SLC39A11: variants seen among roughly 807,000 people sequenced by gnomAD.
The protein encoded by SLC39A11 is zinc transporter ZIP11.
A neutral mutation model predicts 36.1 loss-of-function variants in SLC39A11; 33 were observed. The observed-to-expected ratio is 0.91, with a 90% CI of 0.69 to 1.22. The LOEUF is 1.22. Ranked by LOEUF, SLC39A11 falls within the 50% of genes most tolerant of loss-of-function variation. The pLI, the probability that SLC39A11 is intolerant of heterozygous loss-of-function variation, is 0.00. For synonymous variants in SLC39A11, 166 were observed against 170.3 expected (o/e 0.97, Z 0.20); for missense variants, 432 against 430.3 (o/e 1.00, Z -0.03).
chr17:72,753,243 C>A (rs2075222714), intron 6 of SLC39A11, among the ~76,000 whole-genome samples: 1 of 152,140 alleles, frequency 6.6e-6, no homozygotes, highest in Non-Finnish European at 1.5e-5. Flanking sequence ...TTTAAATCTA[C>A]AAGGTTGTGC....
intron 6 of SLC39A11, among the ~76,000 whole-genome samples, chr17:72,816,606 A>G (rs536356204): frequency 2.4e-4 from 36 of 152,290 alleles, no homozygotes; most frequent in African/African-American, 7.7e-4. Context: ...TCTGTCAACC[A>G]CGGCTGGAGG....
At chr17:72,701,758 A>C (rs1474670094) in intron 7 of SLC39A11, among the ~76,000 whole-genome samples, 1 of 150,062 alleles carries the variant, frequency 6.7e-6, no homozygotes, top group Admixed American at 6.6e-5. Flanking sequence ...AAAAAGAGAA[A>C]GAAAGAAAGA....
chr17:72,923,292 C>T (rs1165275262), intron 5 of SLC39A11, among the ~76,000 whole-genome samples: 1 of 152,048 alleles, frequency 6.6e-6, no homozygotes, highest in Non-Finnish European at 1.5e-5. Context: ...ATGTGAAGCT[C>T]ACTACATCCA....
chr17:73,056,911 G>A (rs2059687603), intron 3 of SLC39A11, among the ~76,000 whole-genome samples: 1 of 152,102 alleles, frequency 6.6e-6, no homozygotes, highest in Non-Finnish European at 1.5e-5. Flanking sequence ...TTATTTGTGA[G>A]GCACATTAGA....
chr17:72,922,676 A>G (rs993657636), intron 5 of SLC39A11, among the ~76,000 whole-genome samples: 17 of 152,126 alleles, frequency 1.1e-4, no homozygotes, highest in Non-Finnish European at 1.3e-4. Flanking sequence ...CCAAGAAAAC[A>G]CTAAACCCTG....
In SLC39A11 at chr17:72,990,479, G is replaced by A. The variant is rs112442530; in HGVS notation, c.306+41077C>T. ...GTTGCCCAGGCTGGAGTGTAGTGGC[G>A]TGATCTCGACTCACTGAAACCTTGG... On this transcript the variant is annotated intron_variant, in intron 4 of 9. Coordinates refer to ENST00000255559, the MANE Select transcript of SLC39A11 (RefSeq NM_139177.4). 3.8e-3 allele frequency among the ~76,000 whole-genome samples: 578 copies of A among 152,208 alleles called. 4 individuals carry two copies. Among genetic ancestry groups the A allele is most frequent in the African/African-American group, 0.013 (555 of 41,526 alleles).
At chr17:72,892,940 G>C (rs79231039) in intron 5 of SLC39A11, among the ~76,000 whole-genome samples, 1,961 of 152,236 alleles carry the variant, frequency 0.013, 49 homozygotes, top group African/African-American at 0.043. Context: ...TCCAGGGTAG[G>C]TTCTCCAAGA....
chr17:72,779,564 T>C (rs1206054964), intron 6 of SLC39A11, among the ~76,000 whole-genome samples: 2 of 152,218 alleles, frequency 1.3e-5, no homozygotes, highest in East Asian at 3.8e-4. Flanking sequence ...GCACAAGCGC[T>C]GTTCACCTGA....
chr17:73,083,538 C>A (rs2060620138), intron 3 of SLC39A11, among the ~76,000 whole-genome samples: 1 of 152,156 alleles, frequency 6.6e-6, no homozygotes, highest in South Asian at 2.1e-4. Flanking sequence ...CAATACACAG[C>A]ACCATGACAT....
intron 4 of SLC39A11, among the ~76,000 whole-genome samples, chr17:73,015,258 T>C (rs2090745090): frequency 6.6e-6 from 1 of 152,210 alleles, no homozygotes; most frequent in Non-Finnish European, 1.5e-5. Context: ...ATTTTCATCA[T>C]CTCGGGCCCT....
intron 7 of SLC39A11, among the ~76,000 whole-genome samples, chr17:72,717,156 A>G (rs1173430046): frequency 6.8e-6 from 1 of 148,072 alleles, no homozygotes; most frequent in East Asian, 1.9e-4. Context: ...ATATATGTAT[A>G]TACATATATA....
At chr17:72,669,918 GTATA>G in intron 7 of SLC39A11, among the ~76,000 whole-genome samples, 1 of 148,268 alleles carries the variant, frequency 6.7e-6, no homozygotes, top group Admixed American at 6.8e-5. Flanking sequence ...ACGTATAGAT[GTATA>G]TACACATATA....
chr17:72,654,793 G>A (rs981427556), intron 7 of SLC39A11, among the ~76,000 whole-genome samples: 3 of 152,212 alleles, frequency 2.0e-5, no homozygotes, highest in African/African-American at 7.2e-5. Flanking sequence ...GCAGGCACAC[G>A]AAGGTAGCCG....
intron 6 of SLC39A11, among the ~76,000 whole-genome samples, chr17:72,771,799 G>T (rs903514406): frequency 6.6e-6 from 1 of 152,172 alleles, no homozygotes; most frequent in Non-Finnish European, 1.5e-5. Context: ...AAAATGCAAC[G>T]TCTCACATCA....
At chr17:72,835,869 A>G (rs531785259) in intron 6 of SLC39A11, among the ~76,000 whole-genome samples, 127 of 152,316 alleles carry the variant, frequency 8.3e-4, no homozygotes, top group African/African-American at 2.9e-3. Context: ...AAGGTTACCT[A>G]CCTAGTAAAG....
At chr17:72,699,733 C>T (rs2072516710) in intron 7 of SLC39A11, among the ~76,000 whole-genome samples, 1 of 152,212 alleles carries the variant, frequency 6.6e-6, no homozygotes, top group African/African-American at 2.4e-5. Context: ...GCAAGGGCGG[C>T]CAGGGCTGTG....
At chr17:72,742,072 T>C (rs1376506714) in intron 6 of SLC39A11, among the ~76,000 whole-genome samples, 3 of 151,934 alleles carry the variant, frequency 2.0e-5, no homozygotes, top group African/African-American at 7.3e-5. Flanking sequence ...GCATGGTGGC[T>C]CACATCTTTA....
At chr17:72,952,798 C>G (rs1297634806) in intron 4 of SLC39A11, among the ~76,000 whole-genome samples, 1 of 152,180 alleles carries the variant, frequency 6.6e-6, no homozygotes, top group Non-Finnish European at 1.5e-5. Flanking sequence ...ACGTGACCAA[C>G]GCAAGCTGTT....
chr17:72,673,851 G>A (rs1449088974), intron 7 of SLC39A11, among the ~76,000 whole-genome samples: 1 of 152,060 alleles, frequency 6.6e-6, no homozygotes, highest in East Asian at 1.9e-4. Context: ...ATCACTTGAG[G>A]TCAGGAAGGA....
Sources: gnomAD v4.1 joint callset for allele counts (sites outside exome capture counted in the v4.1 genomes callset) on GRCh38, gnomAD v4.1.1 for gene constraint, MANE v1.5 for transcripts, NCBI Gene and HGNC (gene_info 2026-07-23, HGNC 2026-07-21) for gene names.